The following ZNF280D variants were observed in gnomAD, a reference collection of about 807,000 sequenced individuals.
ZNF280D encodes the protein suppressor of hairy wing homolog 4.
Under a neutral mutation model 94.7 loss-of-function variants are expected in ZNF280D, and 39 were observed. That is an observed-to-expected ratio of 0.41 (90% CI 0.32 to 0.54). The LOEUF is 0.54. ZNF280D is among the 20% of genes least tolerant of loss of function. ZNF280D has a pLI of 0.22. For synonymous variants in ZNF280D, 398 were observed against 377.6 expected (o/e 1.05, Z -0.63); for missense variants, 1,090 against 1,149.3 (o/e 0.95, Z 0.75).
rs774121408 is a variant in ZNF280D at position 56,701,201 on chromosome 15, C to A, written c.213G>T (p.Arg71Ser). Residue 71 changes from arginine (R) to serine (S), a missense_variant, in exon 5 of 22, where the codon AGG becomes AGT. Physicochemically the swap from Arg to Ser is moderately radical, Grantham distance 110. This residue lies in a region of ZNF280D where 386 missense variants were observed against 372.0 expected (regional missense o/e 1.04). Transcript: ENST00000267807. ...LNRVNPSSYSRGLKNGALSRG... is the reference protein window; with the variant it reads ...LNRVNPSSYSSGLKNGALSRG... ...GACTGAGTGCACCATTCTTTAGTCC[C>A]CTTGAATATGAGCTGGGGTTAACTC... The A allele has an allele frequency of 2.5e-6, 4 of 1,588,048 alleles. No individual in the cohort carries two copies. The highest frequency in any genetic ancestry group is 2.4e-5 in the East Asian group (1 of 42,222).
intron 20 of ZNF280D, 87 bp from the exon 21 acceptor site, chr15:56,635,337 A>G (rs2052301110): frequency 3.7e-6 from 2 of 543,738 alleles, no homozygotes; most frequent in Non-Finnish European, 5.7e-6. Context: ...GATAAAAGAA[A>G]CAAGTGTGCA....
intron 1 of ZNF280D, among the ~76,000 whole-genome samples, chr15:56,728,771 TCATA>T (rs1426147628): frequency 6.6e-6 from 1 of 152,188 alleles, no homozygotes; most frequent in African/African-American, 2.4e-5. Flanking sequence ...CTTCCAGTAC[TCATA>T]CAACCATTCT....
chr15:56,636,363 T>TACATAAAAAGTAAAAACAA (rs2052350646), intron 20 of ZNF280D, among the ~76,000 whole-genome samples: 1 of 152,114 alleles, frequency 6.6e-6, no homozygotes, highest in Non-Finnish European at 1.5e-5. Context: ...TACTATTTAG[T>TACATAAAAAGTAAAAACAA]ACATAAAAAG....
chr15:56,721,312 G>C (rs1316366882), intron 1 of ZNF280D, among the ~76,000 whole-genome samples: 1 of 152,104 alleles, frequency 6.6e-6, no homozygotes, highest in African/African-American at 2.4e-5. Context: ...TTTCACAATG[G>C]TAAATGAGTA....
chr15:56,722,329 G>C (rs1294741060), intron 1 of ZNF280D, among the ~76,000 whole-genome samples: 2 of 152,154 alleles, frequency 1.3e-5, no homozygotes, highest in Non-Finnish European at 2.9e-5. Context: ...AAATGGCTGA[G>C]ATAGACTTGC....
intron 9 of ZNF280D, among the ~76,000 whole-genome samples, chr15:56,684,059 G>A (rs1398298476): frequency 6.6e-6 from 1 of 152,178 alleles, no homozygotes; most frequent in Admixed American, 6.5e-5. Flanking sequence ...AAGAAGGATG[G>A]CAGCAGAAGT....
At chr15:56,726,099 G>A (rs1401972363) in intron 1 of ZNF280D, among the ~76,000 whole-genome samples, 1 of 151,596 alleles carries the variant, frequency 6.6e-6, no homozygotes, top group Non-Finnish European at 1.5e-5. Flanking sequence ...TTGGAAGAAA[G>A]GTTTAAGAAA....
At chr15:56,727,331 C>T (rs914213407) in intron 1 of ZNF280D, among the ~76,000 whole-genome samples, 12 of 152,088 alleles carry the variant, frequency 7.9e-5, no homozygotes, top group African/African-American at 9.7e-5. Context: ...TGGTGGCGCA[C>T]GCCTGTAGTT....
In ZNF280D at chr15:56,707,145, T is replaced by A; in HGVS notation, c.-36A>T. The A allele has an allele frequency of 6.2e-7, 1 of 1,613,722 alleles. No individual in the cohort carries two copies. The highest frequency in any genetic ancestry group is 8.5e-7 in the Non-Finnish European group (1 of 1,179,846). On this transcript the variant is annotated 5_prime_UTR_variant, in exon 3 of 22. Coordinates refer to ENST00000267807, the MANE Select transcript of ZNF280D (RefSeq NM_017661.4). ...AGATGACTTTCTGTAAATTGTCACC[T>A]AAGTACTGACACATGATATCAGTCA...
intron 7 of ZNF280D, among the ~76,000 whole-genome samples, chr15:56,689,880 T>C (rs2056322321): frequency 6.6e-6 from 1 of 152,176 alleles, no homozygotes; most frequent in South Asian, 2.1e-4. Context: ...AACAATTACC[T>C]GTTTCAAAAA....
At chr15:56,634,052 G>C (rs983559570) in intron 21 of ZNF280D, 1 of 152,024 alleles carries the variant, frequency 6.6e-6, no homozygotes, top group African/African-American at 2.4e-5. Flanking sequence ...GGCTAGTCAA[G>C]TGAATCAGTG....
chr15:56,685,034 G>C (rs1268485464), intron 9 of ZNF280D, among the ~76,000 whole-genome samples: 1 of 152,114 alleles, frequency 6.6e-6, no homozygotes, highest in African/African-American at 2.4e-5. Flanking sequence ...AATTCAGCTT[G>C]TCCCAGATTC....
At position 56,654,246 on chromosome 15, in the gene ZNF280D, A is replaced by G. The variant is rs779157343; in HGVS notation, c.2177-12T>C. ...GATACAAACAGAAACTGAAATTAGAAGAAAAGTTTTACATTTACAACAGCA... is the reference window on the plus strand; with the variant it reads ...GATACAAACAGAAACTGAAATTAGAGGAAAAGTTTTACATTTACAACAGCA... On this transcript the variant is annotated splice_polypyrimidine_tract_variant and intron_variant, in intron 18 of 21. Transcript: ENST00000267807. 1 of 1,610,312 alleles carries G rather than the reference A, an allele frequency of 6.2e-7. No individual in the cohort carries two copies. Among genetic ancestry groups the G allele is most frequent in the South Asian group, 1.1e-5 (1 of 89,644 alleles).
chr15:56,697,215 C>T (rs1217433228), intron 6 of ZNF280D, among the ~76,000 whole-genome samples: 3 of 151,660 alleles, frequency 2.0e-5, no homozygotes, highest in African/African-American at 7.3e-5. Context: ...GATGGAGTCT[C>T]ACTCTGTCAC....
intron 11 of ZNF280D, 99 bp downstream of exon 11, chr15:56,678,565 T>C (rs979663205): frequency 7.9e-6 from 9 of 1,145,370 alleles, no homozygotes; most frequent in African/African-American, 1.6e-5. Context: ...CAAAGTCTAG[T>C]TCTCATTCTC....
At chr15:56,713,706 T>G (rs2095985406) in intron 1 of ZNF280D, among the ~76,000 whole-genome samples, 1 of 152,118 alleles carries the variant, frequency 6.6e-6, no homozygotes, top group Non-Finnish European at 1.5e-5. Context: ...ACTATCTCAA[T>G]AAAGTATTCA....
chr15:56,638,171 C>T (rs2140519899), intron 20 of ZNF280D, among the ~76,000 whole-genome samples: 1 of 152,254 alleles, frequency 6.6e-6, no homozygotes, highest in South Asian at 2.1e-4. Context: ...GCAAAAACTC[C>T]TACCCACCAC....
intron 13 of ZNF280D, among the ~76,000 whole-genome samples, chr15:56,670,563 TACC>T (rs1281402028): frequency 2.0e-5 from 3 of 152,134 alleles, no homozygotes; most frequent in African/African-American, 7.2e-5. Flanking sequence ...GGTGTATATG[TACC>T]ACATTTTTTT....
At chr15:56,718,884 T>C (rs1483402857) in intron 1 of ZNF280D, among the ~76,000 whole-genome samples, 1 of 152,210 alleles carries the variant, frequency 6.6e-6, no homozygotes, top group Non-Finnish European at 1.5e-5. Context: ...TCCTTGTTTA[T>C]CTTGCAGCTA....
Sources: gnomAD v4.1 joint callset for allele counts (sites outside exome capture counted in the v4.1 genomes callset) on GRCh38, gnomAD v4.1.1 for gene constraint, gnomAD v4.1.1 regional missense constraint, MANE v1.5 for transcripts, NCBI Gene and HGNC (gene_info 2026-07-23, HGNC 2026-07-21) for gene names.